STXBP5L: variants seen among roughly 807,000 people sequenced by gnomAD.
STXBP5L encodes the protein syntaxin binding protein 5L, also known as syntaxin-binding protein 5-like.
STXBP5L carries 65 observed loss-of-function variants against 144.5 expected under a neutral mutation model. The observed-to-expected ratio is 0.45, with a 90% confidence interval of 0.37 to 0.55. STXBP5L has a LOEUF of 0.55. Among genes scored for constraint, STXBP5L ranks in the 20% least tolerant of loss-of-function variants. The pLI, the probability that STXBP5L is intolerant of heterozygous loss-of-function variation, is 0.00. For synonymous variants in STXBP5L, 505 were observed against 469.6 expected, an observed-to-expected ratio of 1.08 and a Z score of -0.97; for missense variants, 1,298 against 1,405.5, an observed-to-expected ratio of 0.92 and a Z score of 1.22.
intron 2 of STXBP5L, among the ~76,000 whole-genome samples, chr3:120,937,739 A>G (rs1469671280): frequency 6.6e-6 from 1 of 152,210 alleles, no homozygotes; most frequent in Admixed American, 6.5e-5. Flanking sequence ...TTAAAAAACA[A>G]ACAAACAAAA....
intron 7 of STXBP5L, among the ~76,000 whole-genome samples, chr3:121,143,496 T>C (rs1291473541): frequency 6.6e-6 from 1 of 151,812 alleles, no homozygotes; most frequent in Non-Finnish European, 1.5e-5. Flanking sequence ...AAGTGGGATC[T>C]ATCTCTGAAG....
intron 2 of STXBP5L, among the ~76,000 whole-genome samples, chr3:120,940,278 C>T (rs1710499376): frequency 6.6e-6 from 1 of 151,730 alleles, no homozygotes; most frequent in South Asian, 2.1e-4. Context: ...GCTAGTGTAG[C>T]TAGGAAGAAA....
chr3:121,285,088 T>A (rs1322840071), intron 19 of STXBP5L, among the ~76,000 whole-genome samples: 3 of 152,092 alleles, frequency 2.0e-5, no homozygotes, highest in African/African-American at 7.2e-5. Flanking sequence ...ATTAATTGCT[T>A]ACTAACTTTC....
At chr3:121,384,028 T>G (rs139597564) in intron 22 of STXBP5L, among the ~76,000 whole-genome samples, 3 of 152,278 alleles carry the variant, frequency 2.0e-5, no homozygotes, top group African/African-American at 2.4e-5. Context: ...TAAACTTTTG[T>G]TAGTCGGCCT....
At chr3:121,099,989 A>T (rs1265767220) in intron 5 of STXBP5L, among the ~76,000 whole-genome samples, 1 of 152,222 alleles carries the variant, frequency 6.6e-6, no homozygotes, top group Admixed American at 6.5e-5. Context: ...CAACAACCGT[A>T]TAAAAGGATA....
In STXBP5L at chr3:121,175,501, A is replaced by T. The variant is rs545303982; in HGVS notation, c.877+17874A>T. ...CACAGTCTCAAGAGGCAAAGCAAGC[A>T]TGCTGATACATTTTAAATTTTAAGT... On this transcript the variant is annotated intron_variant, in intron 9 of 26. Coordinates refer to ENST00000471454, the MANE Select transcript of STXBP5L (RefSeq NM_001308330.2). 5.3e-5 allele frequency among the ~76,000 whole-genome samples: 8 copies of T among 152,280 alleles called. No homozygotes were observed. In the South Asian group the frequency reaches 1.7e-3, roughly 32 times the overall value.
chr3:121,116,862 T>C (rs746421755), intron 6 of STXBP5L, among the ~76,000 whole-genome samples: 8 of 151,982 alleles, frequency 5.3e-5, no homozygotes. Context: ...CATACAGGCT[T>C]AGATGAACAA....
chr3:121,333,336 A>T (rs1208953625), intron 20 of STXBP5L, among the ~76,000 whole-genome samples: 1 of 152,174 alleles, frequency 6.6e-6, no homozygotes, highest in Non-Finnish European at 1.5e-5. Context: ...ATGAAAACAA[A>T]GATACAACAT....
chr3:121,203,777 G>A (rs1000591642), intron 9 of STXBP5L, among the ~76,000 whole-genome samples: 2 of 152,178 alleles, frequency 1.3e-5, no homozygotes, highest in Admixed American at 1.3e-4. Context: ...CAAATATACT[G>A]TTTTGTTCAA....
chr3:121,045,574 C>G, intron 5 of STXBP5L, 39 bp downstream of exon 5: 2 of 1,561,694 alleles, frequency 1.3e-6, no homozygotes, highest in Non-Finnish European at 1.7e-6. Context: ...TAATGTACAA[C>G]AAAATTATTT....
chr3:121,055,274 A>T (rs1006101580), intron 5 of STXBP5L, among the ~76,000 whole-genome samples: 2 of 152,092 alleles, frequency 1.3e-5, no homozygotes, highest in African/African-American at 4.8e-5. Context: ...CCTATAGGAG[A>T]ATTTAACCAA....
chr3:121,368,808 T>G (rs1410668702), intron 20 of STXBP5L, among the ~76,000 whole-genome samples: 1 of 152,156 alleles, frequency 6.6e-6, no homozygotes, highest in African/African-American at 2.4e-5. Context: ...AGTTGTCTTC[T>G]TAATGTCTAA....
chr3:121,337,204 T>TAA (rs200431505), intron 20 of STXBP5L, among the ~76,000 whole-genome samples: 2,925 of 151,738 alleles, frequency 0.019, 87 homozygotes, highest in African/African-American at 0.066. Flanking sequence ...ATGACATGAG[T>TAA]TTACTTATAT....
chr3:121,119,249 C>A (rs976013902), intron 6 of STXBP5L, among the ~76,000 whole-genome samples: 1 of 151,350 alleles, frequency 6.6e-6, no homozygotes, highest in African/African-American at 2.4e-5. Flanking sequence ...TAATCAACTG[C>A]AAATGAGTAG....
At position 121,418,351 on chromosome 3, in the gene STXBP5L, G is replaced by C. The variant is rs766896877; in HGVS notation, c.3241G>C (p.Ala1081Pro). The part of the protein sequence containing the change: ...DREELFGEAS[A>P]GKASRSLAQH... Reference sequence around the variant, plus strand: ...TATATTCTCAGTTGGGGAAGCTTCGGCAGGAAAAGCATCCCGCAGCCTTGC... The same window carrying C: ...TATATTCTCAGTTGGGGAAGCTTCGCCAGGAAAAGCATCCCGCAGCCTTGC... The change falls in exon 26 of 27, where the codon GCA becomes CCA. Residue 1081 changes from alanine (A) to proline (P), a missense_variant. Coordinates refer to ENST00000471454, the MANE Select transcript of STXBP5L (RefSeq NM_001308330.2). 6.2e-6 allele frequency: 10 copies of C among 1,613,230 alleles called. No homozygotes were observed.
At position 121,418,376 on chromosome 3, in the gene STXBP5L, C is replaced by A. The variant is rs746387352; in HGVS notation, c.3266C>A (p.Ala1089Glu). 2.5e-6 allele frequency: 4 copies of A among 1,613,932 alleles called. No individual in the cohort carries two copies. Among genetic ancestry groups the A allele is most frequent in the South Asian group, 1.1e-5 (1 of 91,086 alleles). Residue 1089 changes from alanine (A) to glutamate (E), a missense_variant, in exon 26 of 27, where the codon GCG becomes GAG. Coordinates refer to ENST00000471454, the MANE Select transcript of STXBP5L (RefSeq NM_001308330.2). Reference sequence around the variant, plus strand: ...GCAGGAAAAGCATCCCGCAGCCTTGCGCAACACATTCCTGGACCAGGTAGT... The same window carrying A: ...GCAGGAAAAGCATCCCGCAGCCTTGAGCAACACATTCCTGGACCAGGTAGT... ...ASAGKASRSLAQHIPGPGSIE... is the reference protein window; with the variant it reads ...ASAGKASRSLEQHIPGPGSIE...
intron 3 of STXBP5L, among the ~76,000 whole-genome samples, chr3:120,965,270 C>A (rs1265982917): frequency 6.6e-6 from 1 of 152,116 alleles, no homozygotes; most frequent in African/African-American, 2.4e-5. Context: ...GGGCATTTAG[C>A]CCATTTACAT....
intron 20 of STXBP5L, among the ~76,000 whole-genome samples, chr3:121,324,135 G>A (rs61796932): frequency 6.6e-6 from 1 of 152,104 alleles, no homozygotes. Context: ...AGGCTAGGAT[G>A]ATAGAAATAT....
rs201445931 is a variant in STXBP5L, at chr3:121,381,552, C to T, written c.2587+20C>T. The T allele has an allele frequency of 1.3e-6, 2 of 1,578,304 alleles. No homozygotes were observed. Among genetic ancestry groups the T allele is most frequent in the Admixed American group, 2.1e-5 (1 of 47,948 alleles). On this transcript the variant is annotated intron_variant, in intron 22 of 26. Coordinates refer to ENST00000471454, the MANE Select transcript of STXBP5L (RefSeq NM_001308330.2). ...CAAGTGGTAAGAGTTTGTATTCATT[C>T]ATTCCTTCACTGTTACTTTTTCAAA...
Sources: gnomAD v4.1 joint callset for allele counts (sites outside exome capture counted in the v4.1 genomes callset) on GRCh38, gnomAD v4.1.1 for gene constraint, MANE v1.5 for transcripts, NCBI Gene and HGNC (gene_info 2026-07-23, HGNC 2026-07-21) for gene names.